Variants in SPAG17 observed in about 807,000 individuals in gnomAD.
SPAG17 encodes sperm-associated antigen 17.
SPAG17 carries 169 observed loss-of-function variants against 273.6 expected under a neutral mutation model. That is an observed-to-expected ratio of 0.62 (90% CI 0.55 to 0.70). The LOEUF (loss-of-function observed/expected upper bound fraction) is 0.70, where lower values mean the gene tolerates loss of function less well. SPAG17 is among the 30% of genes least tolerant of loss of function. The pLI is 0.00. For synonymous variants in SPAG17, 825 were observed against 873.2 expected (o/e 0.94, Z 0.97); for missense variants, 2,557 against 2,627.8 (o/e 0.97, Z 0.59).
intron 1 of SPAG17, among the ~76,000 whole-genome samples, chr1:118,156,065 TTTTA>T (rs1207430574): frequency 1.3e-5 from 2 of 152,244 alleles, no homozygotes; most frequent in Non-Finnish European, 2.9e-5. Flanking sequence ...GCACTAATCT[TTTTA>T]TTGTCTTTAC....
Position 118,150,648 on chromosome 1 carries a change from TAC to T in SPAG17, c.229-21_229-20del. ...CATTAATCTGTAAGAAAATTAAATT[TAC>T]TTATGATGAAAAAAGCCTTATTTGA... On this transcript the variant is annotated intron_variant, in intron 2 of 48. Coordinates refer to ENST00000336338, the MANE Select transcript of SPAG17 (RefSeq NM_206996.4). The T allele has an allele frequency of 2.2e-6, 3 of 1,350,730 alleles. No individual in the cohort carries two copies. Among genetic ancestry groups the T allele is most frequent in the Non-Finnish European group, 3.1e-6 (3 of 961,646 alleles). 83.7% of individuals were successfully genotyped at this position (1,350,730 alleles called of 1,614,324 possible). A position where few individuals can be genotyped will look rare whatever the true frequency, so the allele number is the denominator to read the frequency against.
intron 1 of SPAG17, among the ~76,000 whole-genome samples, chr1:118,152,552 C>G (rs1399482090): frequency 6.6e-6 from 1 of 152,104 alleles, no homozygotes; most frequent in Non-Finnish European, 1.5e-5. Context: ...TGGAAGTCTA[C>G]TAACTACCTA....
At chr1:118,083,243 A>C (rs1372522574) in intron 13 of SPAG17, among the ~76,000 whole-genome samples, 1 of 152,166 alleles carries the variant, frequency 6.6e-6, no homozygotes, top group Non-Finnish European at 1.5e-5. Flanking sequence ...GTCATGAGCC[A>C]AGCACCTGGC....
At position 118,001,004 on chromosome 1, in the gene SPAG17, C is replaced by T. The variant is rs1435180209; in HGVS notation, c.4777-4261G>A. Among the ~76,000 whole-genome samples, 6 of 152,194 alleles carry T rather than the reference C, an allele frequency of 3.9e-5. No individual in the cohort carries two copies. In the South Asian group the frequency reaches 1.2e-3, roughly 32 times the overall value. On this transcript the variant is annotated intron_variant, in intron 32 of 48. Transcript: ENST00000336338. The stretch of plus-strand genomic sequence containing the variant: ...ATTTTGAGATACGTTCCATTGATAC[C>T]TAGTTTATTGAGAGTTTTTAGCATG...
intron 10 of SPAG17, among the ~76,000 whole-genome samples, chr1:118,090,621 T>A (rs993763169): frequency 2.1e-4 from 32 of 152,256 alleles, no homozygotes; most frequent in African/African-American, 2.4e-5. Context: ...CGGTGGTTCA[T>A]GATTATAATC....
At chr1:118,050,393 C>T (rs1198738779) in intron 20 of SPAG17, among the ~76,000 whole-genome samples, 3 of 152,146 alleles carry the variant, frequency 2.0e-5, no homozygotes, top group African/African-American at 4.8e-5. Flanking sequence ...CTGCCTTATG[C>T]CCCTCAGTTG....
chr1:117,955,375 G>A lies in SPAG17; in HGVS notation c.*1-1326C>T, dbSNP rs374051519. The A allele has an allele frequency of 1.7e-4, 274 of 1,609,380 alleles. 2 individuals are homozygous for A. The highest frequency in any genetic ancestry group is 2.8e-4 in the South Asian group (25 of 90,430). On this transcript the variant is annotated intron_variant, in intron 48 of 48. Coordinates refer to ENST00000336338, the MANE Select transcript of SPAG17 (RefSeq NM_206996.4). ...CAAGTCGAGGTGAGTGAGTCCTTGC[G>A]CACAATTTTTGTAATCTGTCAGCAA...
chr1:118,049,069 A>G (rs957874114), intron 20 of SPAG17, among the ~76,000 whole-genome samples: 5 of 152,172 alleles, frequency 3.3e-5, no homozygotes, highest in African/African-American at 1.2e-4. Flanking sequence ...CAACTGAGAG[A>G]CTGAATCAGT....
At chr1:118,172,967 G>C (rs1660488090) in intron 1 of SPAG17, among the ~76,000 whole-genome samples, 1 of 152,006 alleles carries the variant, frequency 6.6e-6, no homozygotes, top group Non-Finnish European at 1.5e-5. Flanking sequence ...AAATTGTCAT[G>C]AACAAAGCTT....
At chr1:118,115,525 T>A (rs1657022999) in intron 3 of SPAG17, 84 bp from the exon 4 acceptor site, 2 of 1,339,354 alleles carry the variant, frequency 1.5e-6, no homozygotes, top group Non-Finnish European at 2.0e-6. Context: ...TGAAAGGAAA[T>A]TTTATATTAT....
At chr1:118,046,736 G>A (rs911395374) in intron 20 of SPAG17, among the ~76,000 whole-genome samples, 1 of 152,148 alleles carries the variant, frequency 6.6e-6, no homozygotes, top group Admixed American at 6.5e-5. Flanking sequence ...AAATAATTGA[G>A]TACAATTTTT....
chr1:118,100,180 A>G (rs1336273589), intron 5 of SPAG17, among the ~76,000 whole-genome samples: 3 of 152,194 alleles, frequency 2.0e-5, no homozygotes. Context: ...AGAAATAGCT[A>G]CAGCTTTGTG....
intron 42 of SPAG17, among the ~76,000 whole-genome samples, chr1:117,983,208 C>T (rs1479574353): frequency 2.0e-5 from 3 of 152,174 alleles, no homozygotes; most frequent in Non-Finnish European, 4.4e-5. Flanking sequence ...CCCTTATAAA[C>T]CCATCAGATC....
Position 118,074,539 on chromosome 1 carries a change from C to G in SPAG17, c.2271G>C (p.Lys757Asn). 6.2e-7 allele frequency: 1 copy of G among 1,612,736 alleles called. No individual in the cohort carries two copies. Among genetic ancestry groups the G allele is most frequent in the Non-Finnish European group, 8.5e-7 (1 of 1,179,028 alleles). The part of the protein sequence containing the change: ...DAVTKADSHE[K>N]KPKKMMVEAD... Reference sequence around the variant, plus strand: ...CATTTTCAGAAAAATAATTCCTTACCTTTTCATGAGAATCAGCCTTTGTGA... The same window carrying G: ...CATTTTCAGAAAAATAATTCCTTACGTTTTCATGAGAATCAGCCTTTGTGA... Residue 757 changes from lysine (K) to asparagine (N), a missense_variant and splice_region_variant, in exon 16 of 49, where the codon AAG becomes AAC. Physicochemically the swap from Lys to Asn is moderately conservative, Grantham distance 94. Transcript: ENST00000336338.
Position 118,115,556 on chromosome 1 carries a change from T to C in SPAG17, c.316-115A>G, listed in dbSNP as rs1334041031. The C allele has an allele frequency of 4.5e-6, 5 of 1,105,694 alleles. No homozygotes were observed. The East Asian group carries it at 1.1e-4, about 24-fold the overall frequency. The allele number at this position is 1,105,694 out of a possible 1,614,324, so 68.5% of individuals were successfully genotyped here. ...ATTATTTGTCATACTGGAAAGATACTTCATTGCTGGCTGAAAAAAAAAAGT... is the reference window on the plus strand; with the variant it reads ...ATTATTTGTCATACTGGAAAGATACCTCATTGCTGGCTGAAAAAAAAAAGT... On this transcript the variant is annotated intron_variant, in intron 3 of 48. Transcript: ENST00000336338.
At chr1:118,137,571 G>T (rs1203269392) in intron 3 of SPAG17, among the ~76,000 whole-genome samples, 1 of 152,186 alleles carries the variant, frequency 6.6e-6, no homozygotes, top group South Asian at 2.1e-4. Context: ...CTGAGTAAGA[G>T]TTTGTGTAGG....
In SPAG17 at chr1:118,048,582, C is replaced by A. The variant is rs549621817; in HGVS notation, c.2814+5420G>T. On this transcript the variant is annotated intron_variant, in intron 20 of 48. Coordinates refer to ENST00000336338, the MANE Select transcript of SPAG17 (RefSeq NM_206996.4). ...ATAAAATTGGAAATAAAGGAGGAGA[C>A]ATTACAAATGGTACCAAAGAAATAC... is the stretch of plus-strand genomic sequence containing the variant. Among the ~76,000 whole-genome samples the A allele has an allele frequency of 1.2e-3, 176 of 152,168 alleles. 2 individuals carry two copies. The highest frequency in any genetic ancestry group is 4.0e-3 in the African/African-American group (167 of 41,528).
intron 28 of SPAG17, among the ~76,000 whole-genome samples, chr1:118,018,439 C>T (rs2101815038): frequency 6.6e-6 from 1 of 152,156 alleles, no homozygotes; most frequent in South Asian, 2.1e-4. Flanking sequence ...TGAGTGGCAC[C>T]CCCAGAAATT....
chr1:118,012,230 G>T lies in SPAG17; in HGVS notation c.4430C>A (p.Thr1477Lys), dbSNP rs1659548651. The T allele has an allele frequency of 6.2e-7, 1 of 1,612,122 alleles. No homozygotes were observed. Among genetic ancestry groups the T allele is most frequent in the Non-Finnish European group, 8.5e-7 (1 of 1,178,924 alleles). Residue 1477 changes from threonine (T) to lysine (K), a missense_variant and splice_region_variant, in exon 30 of 49, where the codon ACA becomes AAA. Coordinates refer to ENST00000336338, the MANE Select transcript of SPAG17 (RefSeq NM_206996.4). Reference sequence around the variant, plus strand: ...TGTACTCAGAAAATAAAACATACTTGTTTCTTGATCATCTGGCAGAATAAT... The same window carrying T: ...TGTACTCAGAAAATAAAACATACTTTTTTCTTGATCATCTGGCAGAATAAT... ...DQIILPDDQETTEGPRTVTRQ... is the reference protein window; with the variant it reads ...DQIILPDDQEKTEGPRTVTRQ...
Sources: gnomAD v4.1 joint callset for allele counts (sites outside exome capture counted in the v4.1 genomes callset) on GRCh38, gnomAD v4.1.1 for gene constraint, MANE v1.5 for transcripts, NCBI Gene and HGNC (gene_info 2026-07-23, HGNC 2026-07-21) for gene names.